NME5: variants seen among roughly 807,000 people sequenced by gnomAD.
The protein encoded by NME5 is NME/NM23 family member 5.
In NME5, 18 loss-of-function variants were observed where a neutral mutation model predicts 21.6. The observed-to-expected ratio is 0.83, with a 90% CI of 0.58 to 1.24. The LOEUF (loss-of-function observed/expected upper bound fraction) is 1.24, where lower values mean the gene tolerates loss of function less well. Among genes scored for constraint, NME5 ranks in the 50% most tolerant of loss-of-function variants. NME5 has a pLI of 0.00. For missense variants in NME5, 223 were observed against 255.4 expected, an observed-to-expected ratio of 0.87 and a Z score of 0.86; for synonymous variants, 70 against 80.6, an observed-to-expected ratio of 0.87 and a Z score of 0.71.
chr5:138,120,782 T>C (rs946775251), intron 4 of NME5, among the ~76,000 whole-genome samples: 2 of 152,200 alleles, frequency 1.3e-5, no homozygotes, highest in East Asian at 3.8e-4. Context: ...TTTGTTTTTA[T>C]GTGACTATCA....
intron 4 of NME5, among the ~76,000 whole-genome samples, chr5:138,126,017 CTAAG>C (rs1257894976): frequency 6.6e-6 from 1 of 152,152 alleles, no homozygotes; most frequent in Non-Finnish European, 1.5e-5. Context: ...TCATCAACTG[CTAAG>C]TAAGAGGACG....
intron 5 of NME5, among the ~76,000 whole-genome samples, chr5:138,117,113 G>A (rs1288810088): frequency 6.7e-6 from 1 of 148,168 alleles, no homozygotes; most frequent in Admixed American, 7.0e-5. Context: ...GCAGCCTGGT[G>A]CACAAGAATC....
At chr5:138,125,392 ATG>A (rs1001045401) in intron 4 of NME5, among the ~76,000 whole-genome samples, 1 of 152,202 alleles carries the variant, frequency 6.6e-6, no homozygotes, top group Non-Finnish European at 1.5e-5. Flanking sequence ...AGCCTGGGTA[ATG>A]TAGTGAGACC....
chr5:138,138,574 GGTA>G, intron 2 of NME5, 75 bp downstream of exon 2: 1 of 1,247,838 alleles, frequency 8.0e-7, no homozygotes, highest in Non-Finnish European at 1.1e-6. Flanking sequence ...GGTTTAAATG[GGTA>G]GGCACATTTA....
chr5:138,136,902 CAA>C (rs1212092201), intron 2 of NME5, among the ~76,000 whole-genome samples: 2 of 151,536 alleles, frequency 1.3e-5, no homozygotes, highest in African/African-American at 2.4e-5. Context: ...CTTGGCCTCC[CAA>C]AGTTTTGGGA....
At chr5:138,131,409 C>T (rs1169930268) in intron 2 of NME5, among the ~76,000 whole-genome samples, 2 of 150,578 alleles carry the variant, frequency 1.3e-5, no homozygotes, top group Non-Finnish European at 3.0e-5. Context: ...ATTAGTAAGG[C>T]GTGGTGGTGC....
Position 138,128,511 on chromosome 5 carries a change from G to A in NME5, c.404C>T (p.Ala135Val), listed in dbSNP as rs747021375. The A allele has an allele frequency of 3.2e-5, 51 of 1,612,832 alleles. No individual in the cohort carries two copies. The highest frequency in any genetic ancestry group is 1.3e-4 in the East Asian group (6 of 44,804). Residue 135 changes from alanine (A) to valine (V), a missense_variant, in exon 4 of 6, where the codon GCG becomes GTG. Physicochemically the swap from Ala to Val is moderately conservative, Grantham distance 64. Coordinates refer to ENST00000265191, the MANE Select transcript of NME5 (RefSeq NM_003551.3). ...AAACATAAAACGTATTTCTCTTTCC[G>A]CAGCAGCAAAGTCATTACTCCCATG... The part of the protein sequence containing the change: ...ALHGSNDFAA[A>V]EREIRFMFPE...
intron 4 of NME5, 37 bp downstream of exon 4, chr5:138,128,442 G>A (rs754176771): frequency 2.7e-5 from 38 of 1,405,170 alleles, no homozygotes; most frequent in Middle Eastern, 1.8e-4. Context: ...CAAACAATAA[G>A]GAGATGCAGT....
In NME5 at chr5:138,128,506, T is replaced by C. The variant is rs190766551; in HGVS notation, c.409A>G (p.Arg137Gly). 1 of 1,613,436 alleles carries C rather than the reference T, an allele frequency of 6.2e-7. No homozygotes were observed. Among genetic ancestry groups the C allele is most frequent in the East Asian group, 2.2e-5 (1 of 44,816 alleles). Residue 137 changes from arginine to glycine, a missense_variant, in exon 4 of 6, where the codon AGA (arginine) becomes GGA (glycine). By Grantham distance (125) the Arg-to-Gly change is moderately radical. Coordinates refer to ENST00000265191, the MANE Select transcript of NME5 (RefSeq NM_003551.3). ...HGSNDFAAAE[R>G]EIRFMFPEVI... ...TCAGGAAACATAAAACGTATTTCTC[T>C]TTCCGCAGCAGCAAAGTCATTACTC...
chr5:138,119,981 G>A (rs1264501186), intron 4 of NME5, among the ~76,000 whole-genome samples: 1 of 150,934 alleles, frequency 6.6e-6, no homozygotes, highest in African/African-American at 2.4e-5. Flanking sequence ...CCGTTGCCCA[G>A]TCTGGAGTGT....
intron 3 of NME5, 125 bp downstream of exon 3, chr5:138,129,138 A>C: frequency 4.1e-6 from 3 of 734,080 alleles, no homozygotes; most frequent in Non-Finnish European, 6.6e-6. Context: ...CTGCCCCCCA[A>C]AAAAGTTGAT....
chr5:138,120,988 T>C (rs1188788690), intron 4 of NME5, among the ~76,000 whole-genome samples: 2 of 152,058 alleles, frequency 1.3e-5, no homozygotes, highest in Non-Finnish European at 2.9e-5. Context: ...CAAAATCATC[T>C]AACACAAAGC....
rs577143676 is a variant in NME5 at position 138,124,926 on chromosome 5, ATTTG to A, written c.436+3549_436+3552del. Among the ~76,000 whole-genome samples the A allele has an allele frequency of 3.6e-4, 55 of 151,864 alleles. 1 individual carries two copies. The East Asian group carries it at 7.8e-3, about 21-fold the overall frequency. On this transcript the variant is annotated intron_variant, in intron 4 of 5. Transcript: ENST00000265191. ...TCTCTCATCCTTGTTTTATTTATTT[ATTTG>A]TTTGTTTGTTTGAGACAGGGTCTCA... is the stretch of plus-strand genomic sequence containing the variant.
chr5:138,134,671 C>T (rs1751649959), intron 2 of NME5, among the ~76,000 whole-genome samples: 2 of 152,026 alleles, frequency 1.3e-5, no homozygotes, highest in South Asian at 2.1e-4. Flanking sequence ...TGAGCCACCA[C>T]GGCCGGCTAA....
chr5:138,132,775 GA>G, intron 2 of NME5, among the ~76,000 whole-genome samples: 1 of 152,280 alleles, frequency 6.6e-6, no homozygotes, highest in South Asian at 2.1e-4. Flanking sequence ...TCTCACCAGT[GA>G]AGGGCCAGTT....
intron 4 of NME5, among the ~76,000 whole-genome samples, chr5:138,128,098 C>T (rs1751475540): frequency 6.6e-6 from 1 of 152,106 alleles, no homozygotes; most frequent in Non-Finnish European, 1.5e-5. Flanking sequence ...CACCTATAGT[C>T]TCAGCTACCC....
chr5:138,131,334 T>A (rs1290510713), intron 2 of NME5, among the ~76,000 whole-genome samples: 1 of 150,556 alleles, frequency 6.6e-6, no homozygotes, highest in Non-Finnish European at 1.5e-5. Context: ...TGAGCCAAGA[T>A]CGTGTCACTG....
At chr5:138,122,220 C>T (rs997108386) in intron 4 of NME5, among the ~76,000 whole-genome samples, 3 of 151,828 alleles carry the variant, frequency 2.0e-5, no homozygotes, top group Non-Finnish European at 4.4e-5. Context: ...GGGTGGATCA[C>T]CTGAAGTCAG....
chr5:138,129,566 A>G (rs1170482872), intron 2 of NME5, 98 bp from the exon 3 acceptor site: 6 of 765,082 alleles, frequency 7.8e-6, no homozygotes, highest in Admixed American at 2.4e-5. Flanking sequence ...CAATCTGATT[A>G]TAACTTCAAG....
Sources: allele counts gnomAD v4.1 joint callset (sites outside exome capture counted in the v4.1 genomes callset), GRCh38; gene constraint gnomAD v4.1.1; transcripts MANE v1.5; gene names NCBI Gene and HGNC (gene_info 2026-07-23, HGNC 2026-07-21).